Variants in TMEM131L observed in about 807,000 individuals in gnomAD.
TMEM131L encodes the protein transmembrane 131 like, also known as transmembrane protein 131-like.
In TMEM131L, 54 loss-of-function variants were observed where a neutral mutation model predicts 192.2. That is an observed-to-expected ratio of 0.28 (90% CI 0.23 to 0.35). The LOEUF (loss-of-function observed/expected upper bound fraction) is 0.35, where lower values mean the gene tolerates loss of function less well. TMEM131L is among the 10% of genes least tolerant of loss of function. TMEM131L has a pLI of 1.00. For synonymous variants in TMEM131L, 701 were observed against 704.9 expected (o/e 0.99, Z 0.09); for missense variants, 1,888 against 1,972.9 (o/e 0.96, Z 0.82).
intron 7 of TMEM131L, among the ~76,000 whole-genome samples, chr4:153,559,950 T>C (rs1728741353): frequency 2.0e-5 from 3 of 152,100 alleles, no homozygotes; most frequent in Admixed American, 6.5e-5. Flanking sequence ...CCCCGCTCAC[T>C]TGTGCAATGC....
intron 7 of TMEM131L, among the ~76,000 whole-genome samples, chr4:153,577,716 T>C (rs1017953040): frequency 6.6e-6 from 1 of 152,184 alleles, no homozygotes; most frequent in African/African-American, 2.4e-5. Context: ...TCAGTATGAC[T>C]TGGTTATGGA....
chr4:153,568,270 G>A (rs1270716324), intron 7 of TMEM131L, among the ~76,000 whole-genome samples: 2 of 152,186 alleles, frequency 1.3e-5, no homozygotes, highest in Non-Finnish European at 2.9e-5. Context: ...AGATGTGTGA[G>A]TGGGGGTGTT....
intron 2 of TMEM131L, among the ~76,000 whole-genome samples, chr4:153,470,902 T>C (rs1011935954): frequency 4.6e-5 from 7 of 152,212 alleles, no homozygotes; most frequent in African/African-American, 1.2e-4. Context: ...TCAGGGCCTG[T>C]CCTTCCTGAC....
intron 3 of TMEM131L, among the ~76,000 whole-genome samples, chr4:153,521,876 T>TG (rs1021181726): frequency 4.0e-5 from 6 of 151,230 alleles, no homozygotes; most frequent in African/African-American, 1.5e-4. Context: ...TTTTTTTTTT[T>TG]TTGTTAACAT....
At chr4:153,526,422 C>T (rs1580137819) in intron 3 of TMEM131L, among the ~76,000 whole-genome samples, 2 of 152,258 alleles carry the variant, frequency 1.3e-5, no homozygotes, top group South Asian at 4.1e-4. Context: ...ATGAAGGACG[C>T]ACTCCCTGCC....
At position 153,530,816 on chromosome 4, in the gene TMEM131L, C is replaced by T. The variant is rs139957627; in HGVS notation, c.240-19257C>T. ...GTAGTTCCAAGATAGCTTCCTGAGG[C>T]CCCCCCACTTTCCTGATGTGGCAGA... On this transcript the variant is annotated intron_variant, in intron 3 of 34. Coordinates refer to ENST00000409959, the MANE Select transcript of TMEM131L (RefSeq NM_001131007.2). Among the ~76,000 whole-genome samples the T allele has an allele frequency of 2.9e-4, 44 of 152,148 alleles. 1 individual carries two copies. In the East Asian group the frequency reaches 8.3e-3, roughly 29 times the overall value.
chr4:153,491,315 A>G (rs1178151131), intron 3 of TMEM131L, among the ~76,000 whole-genome samples: 1 of 152,226 alleles, frequency 6.6e-6, no homozygotes, highest in Non-Finnish European at 1.5e-5. Context: ...AAACTGGTAA[A>G]CAGAGAAGAG....
intron 20 of TMEM131L, 79 bp downstream of exon 20, chr4:153,596,464 T>C (rs1425595562): frequency 1.3e-6 from 2 of 1,537,398 alleles, no homozygotes; most frequent in Admixed American, 1.7e-5. Context: ...ATAGTTGACG[T>C]TCACTTCTCA....
chr4:153,518,938 G>A (rs1734922551), intron 3 of TMEM131L, among the ~76,000 whole-genome samples: 1 of 152,158 alleles, frequency 6.6e-6, no homozygotes, highest in Non-Finnish European at 1.5e-5. Flanking sequence ...GGGTGGTGAA[G>A]ACATCAAGAG....
Position 153,584,729 on chromosome 4 carries a change from G to A in TMEM131L, c.1061-106G>A. The A allele has an allele frequency of 6.0e-6, 4 of 661,822 alleles. No individual in the cohort carries two copies. The South Asian group carries it at 1.0e-4, about 17-fold the overall frequency. The allele number at this position is 661,822 out of a possible 1,614,324, so 41.0% of individuals were successfully genotyped here. A position where few individuals can be genotyped will look rare whatever the true frequency, so the allele number is the denominator to read the frequency against. ...ATGTCTGATTCACTATTTTAATGGA[G>A]ACAGAAAAGTGAATAAAAATTTATA... On this transcript the variant is annotated intron_variant, in intron 11 of 34. Coordinates refer to ENST00000409959, the MANE Select transcript of TMEM131L (RefSeq NM_001131007.2).
chr4:153,479,270 T>C (rs557874055), intron 3 of TMEM131L, among the ~76,000 whole-genome samples: 2 of 152,366 alleles, frequency 1.3e-5, no homozygotes, highest in South Asian at 4.1e-4. Context: ...GTGGATGCTA[T>C]GTAATTGTAT....
intron 3 of TMEM131L, among the ~76,000 whole-genome samples, chr4:153,516,973 C>A (rs566510456): frequency 6.6e-6 from 1 of 151,968 alleles, no homozygotes; most frequent in African/African-American, 2.4e-5. Context: ...ATTACAGGTG[C>A]GCGCCACCAT....
intron 3 of TMEM131L, among the ~76,000 whole-genome samples, chr4:153,476,172 T>C (rs1230872092): frequency 6.6e-6 from 1 of 152,172 alleles, no homozygotes; most frequent in Admixed American, 6.5e-5. Context: ...TTGGCCAGGC[T>C]GGTCTTGAAC....
Position 153,593,729 on chromosome 4 carries a change from C to T in TMEM131L, c.1923-70C>T, listed in dbSNP as rs1031024352. ...CTATGTATAAATGTATATATGTGCA[C>T]ACACTTATTAAATCTTTCTTTACTG... On this transcript the variant is annotated intron_variant, in intron 18 of 34. Transcript: ENST00000409959. The T allele has an allele frequency of 3.0e-6, 3 of 992,954 alleles. No individual in the cohort carries two copies. The African/African-American group carries it at 4.8e-5, about 16-fold the overall frequency. The allele number at this position is 992,954 out of a possible 1,614,324, so 61.5% of individuals were successfully genotyped here. A position where few individuals can be genotyped will look rare whatever the true frequency, so the allele number is the denominator to read the frequency against.
intron 15 of TMEM131L, among the ~76,000 whole-genome samples, chr4:153,588,620 T>A (rs368832342): frequency 2.1e-4 from 32 of 152,234 alleles, no homozygotes; most frequent in African/African-American, 7.5e-4. Context: ...TAATTTTGTT[T>A]CAGGCTGTAT....
At position 153,631,867 on chromosome 4, in the gene TMEM131L, A is replaced by T. The variant is rs139495658; in HGVS notation, c.4208-851A>T. Among the ~76,000 whole-genome samples, 667 of 152,106 alleles carry T rather than the reference A, an allele frequency of 4.4e-3. 3 individuals are homozygous for T. The highest frequency in any genetic ancestry group is 0.014 in the African/African-American group (600 of 41,478). The stretch of plus-strand genomic sequence containing the variant: ...GCTACACTGATATCCTTGCTGTTTG[A>T]ACTCCCCAGGCACACCTTGCTTCAG... On this transcript the variant is annotated intron_variant, in intron 31 of 34. Coordinates refer to ENST00000409959, the MANE Select transcript of TMEM131L (RefSeq NM_001131007.2).
chr4:153,558,803 G>A (rs893552543), intron 7 of TMEM131L: 1 of 153,008 alleles, frequency 6.5e-6, no homozygotes, highest in Non-Finnish European at 1.5e-5. Flanking sequence ...GTAATAACAG[G>A]CCCCTAAGGA....
chr4:153,596,243 TTTG>T lies in TMEM131L; in HGVS notation c.1996-12_1996-10del. 4 of 1,613,120 alleles carry T rather than the reference TTTG, an allele frequency of 2.5e-6. No individual in the cohort carries two copies. The highest frequency in any genetic ancestry group is 3.4e-6 in the Non-Finnish European group (4 of 1,179,384). On this transcript the variant is annotated splice_polypyrimidine_tract_variant and intron_variant, in intron 19 of 34. Coordinates refer to ENST00000409959, the MANE Select transcript of TMEM131L (RefSeq NM_001131007.2). The stretch of plus-strand genomic sequence containing the variant: ...TTTCTAGGAGTATGACATGGTTTAA[TTTG>T]TTAATTTGCAGGGTACGCATTCTGA...
intron 3 of TMEM131L, among the ~76,000 whole-genome samples, chr4:153,508,841 A>G: frequency 6.6e-6 from 1 of 151,760 alleles, no homozygotes; most frequent in Non-Finnish European, 1.5e-5. Flanking sequence ...AAGGGGTCTC[A>G]CTATCTTGCC....
Sources: gnomAD v4.1 joint callset for allele counts (sites outside exome capture counted in the v4.1 genomes callset) on GRCh38, gnomAD v4.1.1 for gene constraint, MANE v1.5 for transcripts, NCBI Gene and HGNC (gene_info 2026-07-23, HGNC 2026-07-21) for gene names.